EXOC4: variants seen among roughly 807,000 people sequenced by gnomAD.
EXOC4 encodes exocyst complex component 4.
Under a neutral mutation model 107.2 loss-of-function variants are expected in EXOC4, and 71 were observed. That is an observed-to-expected ratio of 0.66 (90% CI 0.55 to 0.81). EXOC4 has a LOEUF of 0.81. Among genes scored for constraint, EXOC4 ranks in the 30% least tolerant of loss-of-function variants. The probability of loss-of-function intolerance (pLI) is 0.00; values close to 1 mark genes in which losing one functional copy is unlikely to be tolerated. For synonymous variants in EXOC4, 456 were observed against 441.2 expected (o/e 1.03, Z -0.42); for missense variants, 1,108 against 1,189.6 (o/e 0.93, Z 1.01).
chr7:133,678,661 A>G (rs1794118278), intron 10 of EXOC4, among the ~76,000 whole-genome samples: 1 of 149,320 alleles, frequency 6.7e-6, no homozygotes. Context: ...CCCAGGCTGG[A>G]GTACAGTGGT....
chr7:133,840,470 TTTTA>T (rs1236050380), intron 11 of EXOC4, among the ~76,000 whole-genome samples: 7 of 150,852 alleles, frequency 4.6e-5, no homozygotes, highest in Non-Finnish European at 7.4e-5. Context: ...TAATGGAAAG[TTTTA>T]TTTATTATTT....
At chr7:133,630,433 C>G (rs904327334) in intron 10 of EXOC4, among the ~76,000 whole-genome samples, 2 of 151,768 alleles carry the variant, frequency 1.3e-5, no homozygotes, top group African/African-American at 4.8e-5. Context: ...TCTGTTTTAT[C>G]TATCTCAGGA....
chr7:133,455,525 T>C (rs1442840672), intron 7 of EXOC4, among the ~76,000 whole-genome samples: 1 of 152,222 alleles, frequency 6.6e-6, no homozygotes, highest in African/African-American at 2.4e-5. Context: ...ATGGTTGATA[T>C]ATGAGACAAA....
At chr7:133,862,090 G>A (rs899928258) in intron 11 of EXOC4, among the ~76,000 whole-genome samples, 1 of 151,756 alleles carries the variant, frequency 6.6e-6, no homozygotes, top group Non-Finnish European at 1.5e-5. Context: ...AGCTTTGGGA[G>A]CATTCCCATA....
intron 10 of EXOC4, among the ~76,000 whole-genome samples, chr7:133,756,382 C>G (rs1184384921): frequency 1.3e-5 from 2 of 152,134 alleles, no homozygotes; most frequent in African/African-American, 4.8e-5. Context: ...CACTTACCCT[C>G]TCTGATCTTT....
intron 1 of EXOC4, among the ~76,000 whole-genome samples, chr7:133,269,208 C>CT (rs951465899): frequency 1.3e-5 from 2 of 152,212 alleles, no homozygotes; most frequent in Non-Finnish European, 2.9e-5. Flanking sequence ...CCCTAACTGT[C>CT]TGCTGTTCTC....
chr7:133,557,474 G>A (rs975210949), intron 9 of EXOC4, among the ~76,000 whole-genome samples: 4 of 152,088 alleles, frequency 2.6e-5, no homozygotes, highest in Non-Finnish European at 5.9e-5. Context: ...CAAGGTTAGT[G>A]CTTTGATTTT....
At chr7:133,576,694 C>G (rs1178037524) in intron 9 of EXOC4, 2 of 1,289,604 alleles carry the variant, frequency 1.6e-6, no homozygotes, top group Non-Finnish European at 2.0e-6. Context: ...GCCGTGAAAC[C>G]ATCTCAATGA....
chr7:133,261,730 G>A (rs1795157353), intron 1 of EXOC4, among the ~76,000 whole-genome samples: 1 of 152,078 alleles, frequency 6.6e-6, no homozygotes, highest in African/African-American at 2.4e-5. Context: ...TTAGTCTAGG[G>A]CTAAGTTTGT....
the EXOC4 span, among the ~76,000 whole-genome samples, chr7:134,087,362 C>A: frequency 6.6e-6 from 1 of 152,098 alleles, no homozygotes; most frequent in African/African-American, 2.4e-5. Flanking sequence ...AGCATTGGTA[C>A]GGTGAGGGAC....
rs78076995 is a variant in EXOC4, at chr7:133,609,400, A to G, written c.1418-20645A>G. On this transcript the variant is annotated intron_variant, in intron 9 of 17. Coordinates refer to ENST00000253861, the MANE Select transcript of EXOC4 (RefSeq NM_021807.4). Reference sequence around the variant, plus strand: ...TATAGCATATTCCAATTACATGTATATTGTGACTGCAGTGAGTTGGAAAAT... The same window carrying G: ...TATAGCATATTCCAATTACATGTATGTTGTGACTGCAGTGAGTTGGAAAAT... 5.4e-4 allele frequency among the ~76,000 whole-genome samples: 83 copies of G among 152,330 alleles called. 2 individuals carry two copies. The East Asian group carries it at 0.015, about 28-fold the overall frequency.
chr7:134,051,840 G>T (rs775929397), intron 17 of EXOC4, among the ~76,000 whole-genome samples: 24 of 151,974 alleles, frequency 1.6e-4, no homozygotes, highest in Non-Finnish European at 3.1e-4. Context: ...AAAAAAATTA[G>T]CTGGGCATGG....
intron 10 of EXOC4, among the ~76,000 whole-genome samples, chr7:133,816,106 C>T (rs1445890327): frequency 1.3e-5 from 2 of 152,176 alleles, no homozygotes; most frequent in Non-Finnish European, 2.9e-5. Flanking sequence ...ATGATGAACA[C>T]ACATCAGTTA....
chr7:133,882,321 C>T (rs1798982941), intron 11 of EXOC4, among the ~76,000 whole-genome samples: 3 of 152,210 alleles, frequency 2.0e-5, no homozygotes, highest in Admixed American at 2.0e-4. Flanking sequence ...GAGAACCAAA[C>T]TACAGAGCAT....
At chr7:133,962,809 G>C (rs772025569) in intron 14 of EXOC4, among the ~76,000 whole-genome samples, 1 of 152,218 alleles carries the variant, frequency 6.6e-6, no homozygotes, top group African/African-American at 2.4e-5. Flanking sequence ...TAAAAATGCA[G>C]TCTCATATTC....
chr7:133,302,844 T>C (rs2150564113), intron 3 of EXOC4, among the ~76,000 whole-genome samples: 1 of 152,298 alleles, frequency 6.6e-6, no homozygotes, highest in East Asian at 1.9e-4. Context: ...CTTTCATCAG[T>C]GTGTTATTTA....
intron 9 of EXOC4, among the ~76,000 whole-genome samples, chr7:133,613,578 A>G (rs1464813595): frequency 6.6e-6 from 1 of 151,984 alleles, no homozygotes; most frequent in Non-Finnish European, 1.5e-5. Flanking sequence ...AGTGCTCCCA[A>G]GAAGCAGGGG....
intron 12 of EXOC4, among the ~76,000 whole-genome samples, chr7:133,909,317 G>C (rs1349912559): frequency 6.6e-6 from 1 of 152,102 alleles, no homozygotes; most frequent in Non-Finnish European, 1.5e-5. Flanking sequence ...TAATCAAGTG[G>C]AAATAAACAA....
chr7:133,979,332 T>C (rs1793916989), intron 14 of EXOC4, among the ~76,000 whole-genome samples: 1 of 152,080 alleles, frequency 6.6e-6, no homozygotes, highest in South Asian at 2.1e-4. Flanking sequence ...ACTCAAGTAA[T>C]CTTCTTCCCT....
Sources: allele counts gnomAD v4.1 joint callset (sites outside exome capture counted in the v4.1 genomes callset), GRCh38; gene constraint gnomAD v4.1.1; transcripts MANE v1.5; gene names NCBI Gene and HGNC (gene_info 2026-07-23, HGNC 2026-07-21).